Variants in DLG2 observed in about 807,000 individuals in gnomAD.
The protein encoded by DLG2 is discs large MAGUK scaffold protein 2.
A neutral mutation model predicts 132.5 loss-of-function variants in DLG2; 45 were observed. That is an observed-to-expected ratio of 0.34 (90% CI 0.27 to 0.44). The LOEUF is 0.44. Among genes scored for constraint, DLG2 ranks in the 20% least tolerant of loss-of-function variants. The probability of loss-of-function intolerance (pLI) is 1.00; values close to 1 mark genes in which losing one functional copy is unlikely to be tolerated. For missense variants in DLG2, 1,045 were observed against 1,196.9 expected (o/e 0.87, Z 1.87); for synonymous variants, 424 against 419.6 (o/e 1.01, Z -0.13).
chr11:84,618,645 G>T (rs1335402941), intron 6 of DLG2, among the ~76,000 whole-genome samples: 1 of 152,026 alleles, frequency 6.6e-6, no homozygotes, highest in South Asian at 2.1e-4. Context: ...AAACTCAGAA[G>T]AGTCTTTTGG....
chr11:85,446,448 A>G (rs1306134540), intron 3 of DLG2, among the ~76,000 whole-genome samples: 2 of 152,228 alleles, frequency 1.3e-5, no homozygotes, highest in East Asian at 1.9e-4. Context: ...TTCTTGTAAT[A>G]AGATAACAAA....
At chr11:84,282,864 T>C (rs2097866147) in intron 7 of DLG2, among the ~76,000 whole-genome samples, 1 of 152,190 alleles carries the variant, frequency 6.6e-6, no homozygotes, top group Admixed American at 6.5e-5. Flanking sequence ...AAGGATTAGA[T>C]GCAACCAACT....
At chr11:84,508,553 C>G (rs1278448481) in intron 7 of DLG2, among the ~76,000 whole-genome samples, 1 of 151,928 alleles carries the variant, frequency 6.6e-6, no homozygotes. Flanking sequence ...CAGGTGCCCC[C>G]CACCATGCCT....
At chr11:85,328,598 TAA>T (rs1325292285) in intron 3 of DLG2, among the ~76,000 whole-genome samples, 1 of 95,088 alleles carries the variant, frequency 1.1e-5, no homozygotes, top group Non-Finnish European at 2.1e-5. Context: ...AAACTCTCAA[TAA>T]ATTAGGTATT....
At chr11:85,167,263 T>C (rs540963871) in intron 4 of DLG2, among the ~76,000 whole-genome samples, 1 of 152,212 alleles carries the variant, frequency 6.6e-6, no homozygotes, top group African/African-American at 2.4e-5. Context: ...TACTCTGGAG[T>C]AATCCAATTC....
At chr11:85,484,875 T>C (rs1258533724) in intron 3 of DLG2, among the ~76,000 whole-genome samples, 1 of 151,418 alleles carries the variant, frequency 6.6e-6, no homozygotes, top group East Asian at 1.9e-4. Flanking sequence ...GGATTATAAA[T>C]CATGCTGCTA....
At position 84,672,272 on chromosome 11, in the gene DLG2, T is replaced by A. The variant is rs919499368; in HGVS notation, c.358-137541A>T. Among the ~76,000 whole-genome samples, 2 of 152,112 alleles carry A rather than the reference T, an allele frequency of 1.3e-5. 1 individual carries two copies. Among genetic ancestry groups the A allele is most frequent in the African/African-American group, 4.8e-5 (2 of 41,438 alleles). ...AAAGCTTCTTCAAGAGAGATCCAAC[T>A]CTGCCTAAACCTAAATGATGAGTTG... is the stretch of plus-strand genomic sequence containing the variant. On this transcript the variant is annotated intron_variant, in intron 6 of 27. Transcript: ENST00000376104.
At chr11:83,902,914 C>G (rs533760379) in intron 15 of DLG2, among the ~76,000 whole-genome samples, 12 of 152,136 alleles carry the variant, frequency 7.9e-5, no homozygotes, top group Non-Finnish European at 1.6e-4. Flanking sequence ...GCTCAGCTTC[C>G]TTGAGATTTT....
At chr11:85,141,523 AT>A (rs1183741274) in intron 5 of DLG2, among the ~76,000 whole-genome samples, 4 of 151,382 alleles carry the variant, frequency 2.6e-5, no homozygotes, top group Admixed American at 1.3e-4. Flanking sequence ...TCATTTGTTG[AT>A]TATTTCCTTT....
intron 7 of DLG2, among the ~76,000 whole-genome samples, chr11:84,256,301 C>T (rs940738480): frequency 2.0e-5 from 3 of 152,006 alleles, no homozygotes; most frequent in African/African-American, 7.2e-5. Context: ...GTCATGAAGC[C>T]AACTATGGTG....
At chr11:85,378,237 A>G (rs1388394450) in intron 3 of DLG2, among the ~76,000 whole-genome samples, 1 of 152,148 alleles carries the variant, frequency 6.6e-6, no homozygotes, top group East Asian at 1.9e-4. Flanking sequence ...ACATATTTCC[A>G]TTCCTCTAGT....
chr11:85,566,142 T>C (rs2077513963), intron 3 of DLG2, among the ~76,000 whole-genome samples: 1 of 152,246 alleles, frequency 6.6e-6, no homozygotes, highest in African/African-American at 2.4e-5. Context: ...TGGTCATTTG[T>C]ATATCTTTTT....
intron 21 of DLG2, among the ~76,000 whole-genome samples, chr11:83,488,458 A>T (rs2093654353): frequency 6.6e-6 from 1 of 152,034 alleles, no homozygotes; most frequent in South Asian, 2.1e-4. Flanking sequence ...GCTTCATGAA[A>T]GAAGGAAACA....
intron 11 of DLG2, among the ~76,000 whole-genome samples, chr11:84,042,312 T>G (rs1049449100): frequency 8.6e-5 from 13 of 151,864 alleles, no homozygotes; most frequent in Non-Finnish European, 1.5e-4. Context: ...TTTATTTTAG[T>G]TATTAAAATT....
intron 6 of DLG2, among the ~76,000 whole-genome samples, chr11:84,542,705 A>T (rs1159925785): frequency 6.6e-6 from 1 of 152,188 alleles, no homozygotes; most frequent in East Asian, 1.9e-4. Context: ...TCCCTAAGGA[A>T]GAGGTAAGTG....
chr11:85,248,201 G>C (rs2076229403), intron 4 of DLG2, among the ~76,000 whole-genome samples: 1 of 152,024 alleles, frequency 6.6e-6, no homozygotes, highest in Admixed American at 6.6e-5. Context: ...CAAACGAACT[G>C]AGGCCTGGTC....
chr11:85,540,216 G>C (rs1156465392), intron 3 of DLG2, among the ~76,000 whole-genome samples: 1 of 152,134 alleles, frequency 6.6e-6, no homozygotes, highest in African/African-American at 2.4e-5. Context: ...AGCCACTCTT[G>C]TTTCCGTACC....
chr11:83,708,403 A>C (rs1214820353), intron 18 of DLG2, among the ~76,000 whole-genome samples: 1 of 152,246 alleles, frequency 6.6e-6, no homozygotes, highest in Non-Finnish European at 1.5e-5. Flanking sequence ...TTGCTATTTA[A>C]TACCTGACAG....
At chr11:85,588,982 G>A (rs562903650) in intron 3 of DLG2, among the ~76,000 whole-genome samples, 56 of 152,264 alleles carry the variant, frequency 3.7e-4, no homozygotes, top group Admixed American at 6.5e-4. Flanking sequence ...GCTCCGAGCT[G>A]GTGCTGGGGA....
Sources: gnomAD v4.1 joint callset for allele counts (sites outside exome capture counted in the v4.1 genomes callset) on GRCh38, gnomAD v4.1.1 for gene constraint, MANE v1.5 for transcripts, NCBI Gene and HGNC (gene_info 2026-07-23, HGNC 2026-07-21) for gene names.